The following CNTN4 variants were observed in gnomAD, a reference collection of about 807,000 sequenced individuals.
CNTN4 encodes the protein contactin 4.
In CNTN4, 77 loss-of-function variants were observed where a neutral mutation model predicts 122.5. That is an observed-to-expected ratio of 0.63 (90% CI 0.52 to 0.76). The LOEUF (loss-of-function observed/expected upper bound fraction) is 0.76. CNTN4 is among the 30% of genes least tolerant of loss of function. The pLI is 0.00. For synonymous variants in CNTN4, 512 were observed against 447.0 expected (o/e 1.15, Z -1.83); for missense variants, 1,256 against 1,259.1 (o/e 1.00, Z 0.04).
intron 16 of CNTN4, 25 bp downstream of exon 16, chr3:3,031,000 G>C (rs1182292679): frequency 1.2e-6 from 2 of 1,613,648 alleles, no homozygotes; most frequent in African/African-American, 2.7e-5. Flanking sequence ...TGTTATTGTT[G>C]TTCTTGAAAT....
At chr3:2,284,970 A>G (rs1343474680) in intron 2 of CNTN4, among the ~76,000 whole-genome samples, 2 of 151,990 alleles carry the variant, frequency 1.3e-5, no homozygotes, top group Non-Finnish European at 2.9e-5. Context: ...AGTGGGTAAT[A>G]GGATAGTTTT....
intron 2 of CNTN4, among the ~76,000 whole-genome samples, chr3:2,157,280 G>C (rs2149155275): frequency 6.6e-6 from 1 of 152,306 alleles, no homozygotes; most frequent in East Asian, 1.9e-4. Context: ...TCTTAGAGGA[G>C]AAAGATTTTA....
chr3:2,283,810 T>C (rs953929199), intron 2 of CNTN4, among the ~76,000 whole-genome samples: 1 of 152,198 alleles, frequency 6.6e-6, no homozygotes, highest in Non-Finnish European at 1.5e-5. Flanking sequence ...GTATGTAAGG[T>C]TTAGTTTTCC....
intron 4 of CNTN4, among the ~76,000 whole-genome samples, chr3:2,640,651 G>GTA (rs72133084): frequency 8.6e-5 from 13 of 151,854 alleles, no homozygotes; most frequent in African/African-American, 2.4e-4. Context: ...ATGTGTGTGT[G>GTA]TATATATGCA....
At chr3:2,495,063 T>C (rs778804074) in intron 3 of CNTN4, among the ~76,000 whole-genome samples, 1 of 152,162 alleles carries the variant, frequency 6.6e-6, no homozygotes, top group Non-Finnish European at 1.5e-5. Flanking sequence ...AATAGGAAGA[T>C]GATATTTATC....
intron 3 of CNTN4, among the ~76,000 whole-genome samples, chr3:2,344,661 C>G (rs1232475775): frequency 7.2e-5 from 11 of 152,070 alleles, no homozygotes; most frequent in Non-Finnish European, 1.5e-4. Flanking sequence ...AATTTCTATT[C>G]TAAATATTTT....
At chr3:2,431,505 G>T (rs2048068729) in intron 3 of CNTN4, among the ~76,000 whole-genome samples, 1 of 152,150 alleles carries the variant, frequency 6.6e-6, no homozygotes, top group Non-Finnish European at 1.5e-5. Flanking sequence ...CAAAAGTGAT[G>T]CATTAGACTG....
intron 3 of CNTN4, among the ~76,000 whole-genome samples, chr3:2,377,029 A>AGGTG: frequency 2.6e-5 from 4 of 152,018 alleles, no homozygotes; most frequent in Admixed American, 2.6e-4. Flanking sequence ...AGTGGAGCAC[A>AGGTG]CCTGTAGTCC....
chr3:2,389,596 T>C (rs534843403), intron 3 of CNTN4, among the ~76,000 whole-genome samples: 10 of 152,214 alleles, frequency 6.6e-5, no homozygotes, highest in Non-Finnish European at 1.3e-4. Flanking sequence ...TCCTTTTCTT[T>C]CCTTTTACTA....
At chr3:2,327,953 T>G (rs2043530380) in intron 2 of CNTN4, among the ~76,000 whole-genome samples, 1 of 152,178 alleles carries the variant, frequency 6.6e-6, no homozygotes, top group African/African-American at 2.4e-5. Flanking sequence ...AAGTAGGTCA[T>G]AAGACCCTCA....
chr3:2,149,434 C>T (rs1559288889), intron 2 of CNTN4, among the ~76,000 whole-genome samples: 2 of 152,130 alleles, frequency 1.3e-5, no homozygotes. Context: ...GAGATGAATG[C>T]ATACTTCAGA....
intron 3 of CNTN4, among the ~76,000 whole-genome samples, chr3:2,556,447 C>T (rs1053215135): frequency 9.2e-5 from 14 of 152,188 alleles, no homozygotes; most frequent in African/African-American, 2.9e-4. Context: ...GTGTTTACTA[C>T]ATATGAAACA....
At chr3:2,131,819 AC>A (rs769484806) in intron 2 of CNTN4, among the ~76,000 whole-genome samples, 3 of 152,150 alleles carry the variant, frequency 2.0e-5, no homozygotes, top group African/African-American at 7.2e-5. Context: ...CAGTTCAGAC[AC>A]TTTCTAGGTC....
intron 3 of CNTN4, among the ~76,000 whole-genome samples, chr3:2,569,376 C>T (rs552084770): frequency 2.6e-5 from 4 of 152,128 alleles, no homozygotes; most frequent in Non-Finnish European, 4.4e-5. Context: ...TGTTTGCTCA[C>T]AGTGTTTTTC....
rs1281601903 is a variant in CNTN4 at position 3,056,159 on chromosome 3, C to T, written c.3020C>T (p.Ala1007Val). 3 of 1,614,006 alleles carry T rather than the reference C, an allele frequency of 1.9e-6. No individual in the cohort carries two copies. The highest frequency in any genetic ancestry group is 2.5e-6 in the Non-Finnish European group (3 of 1,179,982). Reference protein sequence around the residue: ...ARGSGASTSNACTLSAISTIM... With the variant: ...ARGSGASTSNVCTLSAISTIM... ...GGATCTGGGGCTTCCACTTCGAATG[C>T]ATGTACGCTGTCAGCCATCAGTACA... The change falls in exon 25 of 25, where the codon GCA becomes GTA. Residue 1007 changes from alanine (A) to valine (V), a missense_variant. Ala to Val is a moderately conservative substitution (Grantham distance 64). Coordinates refer to ENST00000418658, the MANE Select transcript of CNTN4 (RefSeq NM_175607.3).
chr3:2,480,392 A>G (rs1290689527), intron 3 of CNTN4, among the ~76,000 whole-genome samples: 3 of 152,370 alleles, frequency 2.0e-5, no homozygotes, highest in Middle Eastern at 6.8e-3. Flanking sequence ...AATCTCCTGG[A>G]TGTAATAAAT....
chr3:2,943,631 T>TTA (rs1553702090), intron 13 of CNTN4, among the ~76,000 whole-genome samples: 11 of 37,442 alleles, frequency 2.9e-4, no homozygotes, highest in African/African-American at 7.0e-4. Flanking sequence ...TATATATATA[T>TTA]TTTTTTTTTT....
chr3:2,880,029 G>A (rs1012256797), intron 8 of CNTN4, among the ~76,000 whole-genome samples: 1 of 152,130 alleles, frequency 6.6e-6, no homozygotes, highest in Admixed American at 6.5e-5. Context: ...TTCAGTTTGG[G>A]CCTAAATAGA....
chr3:2,135,031 C>G (rs2034623235), intron 2 of CNTN4, among the ~76,000 whole-genome samples: 1 of 152,168 alleles, frequency 6.6e-6, no homozygotes, highest in African/African-American at 2.4e-5. Context: ...CCCCTTACAA[C>G]AAAGAGTTAT....
Sources: allele counts gnomAD v4.1 joint callset (sites outside exome capture counted in the v4.1 genomes callset), GRCh38; gene constraint gnomAD v4.1.1; transcripts MANE v1.5; gene names NCBI Gene and HGNC (gene_info 2026-07-23, HGNC 2026-07-21).